MINAR1: variants seen among roughly 807,000 people sequenced by gnomAD.
MINAR1 encodes membrane integral NOTCH2 associated receptor 1, also known as major intrinsically disordered Notch2-binding receptor 1.
MINAR1 carries 40 observed loss-of-function variants against 65.1 expected under a neutral mutation model. That is an observed-to-expected ratio of 0.61 (90% CI 0.48 to 0.80). MINAR1 has a LOEUF of 0.80. MINAR1 is among the 30% of genes least tolerant of loss of function. MINAR1 has a pLI of 0.00. For synonymous variants in MINAR1, 482 were observed against 449.1 expected (o/e 1.07, Z -0.93); for missense variants, 1,128 against 1,148.0 (o/e 0.98, Z 0.25).
intron 1 of MINAR1, among the ~76,000 whole-genome samples, chr15:79,449,528 C>A (rs550262328): frequency 6.6e-6 from 1 of 152,242 alleles, no homozygotes; most frequent in South Asian, 2.1e-4. Flanking sequence ...GGCAAAAGGG[C>A]AAGCTAGCAG....
At chr15:79,425,514 T>C in the MINAR1 span, 1 of 152,250 alleles carries the variant, frequency 6.6e-6, no homozygotes, top group African/African-American at 2.4e-5. Flanking sequence ...TCTCAAACCA[T>C]GGACAAAGCT....
rs578084400 is a variant in MINAR1, at chr15:79,458,733, T to C, written c.2298+288T>C. On this transcript the variant is annotated intron_variant, in intron 2 of 3. Transcript: ENST00000305428. ...CAGGTGGTGTGAGAACAGATTTTCA[T>C]AGAATGGGGAACGTATCAGAGCAGG... Among the ~76,000 whole-genome samples, 14 of 152,320 alleles carry C rather than the reference T, an allele frequency of 9.2e-5. No homozygotes were observed. In the South Asian group the frequency reaches 2.9e-3, roughly 32 times the overall value.
intron 1 of MINAR1, among the ~76,000 whole-genome samples, chr15:79,436,933 T>A (rs114979075): frequency 0.011 from 1,645 of 152,304 alleles, 27 homozygotes; most frequent in African/African-American, 0.037. Context: ...CCTGCACCCT[T>A]TCTTCCTGCC....
chr15:79,411,789 G>A, the MINAR1 span: 1 of 359,650 alleles, frequency 2.8e-6, no homozygotes, highest in Non-Finnish European at 5.2e-6. Flanking sequence ...CCTGGGTGGA[G>A]CCCAGAGGGT....
At chr15:79,443,393 T>G (rs1286221729) in intron 1 of MINAR1, among the ~76,000 whole-genome samples, 1 of 152,180 alleles carries the variant, frequency 6.6e-6, no homozygotes, top group Non-Finnish European at 1.5e-5. Context: ...CCATTCAAGG[T>G]CCTCCTGGTT....
intron 1 of MINAR1, among the ~76,000 whole-genome samples, chr15:79,452,284 G>T (rs1017305017): frequency 6.6e-6 from 1 of 152,112 alleles, no homozygotes; most frequent in Non-Finnish European, 1.5e-5. Flanking sequence ...GTCTGTGTGA[G>T]TGTGAAGCTG....
chr15:79,450,775 TAG>T (rs71150911), intron 1 of MINAR1, among the ~76,000 whole-genome samples: 41,478 of 152,002 alleles, frequency 0.27, 6,350 homozygotes, highest in East Asian at 0.55. Context: ...TTGTACAGAA[TAG>T]AGTCATTTTT....
upstream of MINAR1, among the ~76,000 whole-genome samples, chr15:79,431,056 G>A (rs929217518): frequency 5.9e-5 from 9 of 152,112 alleles, no homozygotes; most frequent in African/African-American, 2.2e-4. Context: ...CCTTTGCTCC[G>A]ATCACAGGTA....
chr15:79,468,666 ATTCC>A lies in MINAR1; in HGVS notation c.*283_*286del. On this transcript the variant is annotated 3_prime_UTR_variant, in exon 4 of 4. Coordinates refer to ENST00000305428, the MANE Select transcript of MINAR1 (RefSeq NM_015206.3). ...GACTATCAATAAATACAAATTGAAT[ATTCC>A]AAGCCAAAAAAGGAAGATTAATTGG... The A allele has an allele frequency of 2.6e-6, 1 of 390,370 alleles. No individual in the cohort carries two copies. 24.2% of individuals were successfully genotyped at this position (390,370 alleles called of 1,614,324 possible). A position where few individuals can be genotyped will look rare whatever the true frequency, so the allele number is the denominator to read the frequency against.
Position 79,456,739 on chromosome 15 carries a change from C to T in MINAR1, c.592C>T (p.Leu198=). 6.2e-7 allele frequency: 1 copy of T among 1,614,198 alleles called. No homozygotes were observed. Among genetic ancestry groups the T allele is most frequent in the Non-Finnish European group, 8.5e-7 (1 of 1,180,032 alleles). The change falls in exon 2 of 4, where the codon CTG becomes TTG. Residue 198 remains leucine, a synonymous_variant. Transcript: ENST00000305428. ...CGCTTCCCTGGACAGGTTGCAGGCCCTGGCTCCGTACTCTGTGACCAGCCC... is the reference window on the plus strand; with the variant it reads ...CGCTTCCCTGGACAGGTTGCAGGCCTTGGCTCCGTACTCTGTGACCAGCCC... ...RAASLDRLQA[L]APYSVTSPQP...
At chr15:79,419,121 C>T in the MINAR1 span, 1 of 152,068 alleles carries the variant, frequency 6.6e-6, no homozygotes, top group Non-Finnish European at 1.5e-5. Flanking sequence ...CCATAGGCTA[C>T]CCTTCTTAGC....
chr15:79,433,583 A>G (rs1231366648), intron 1 of MINAR1, among the ~76,000 whole-genome samples: 9 of 152,184 alleles, frequency 5.9e-5, no homozygotes, highest in Non-Finnish European at 1.3e-4. Context: ...TGGAGGCCTC[A>G]TTGCTGGGCT....
chr15:79,411,433 A>C, the MINAR1 span: 1 of 702,602 alleles, frequency 1.4e-6, no homozygotes, highest in Non-Finnish European at 2.6e-6. Context: ...GGAGGTGGAC[A>C]AGATGGTCGA....
chr15:79,440,225 T>C (rs1894833085), intron 1 of MINAR1, among the ~76,000 whole-genome samples: 1 of 152,148 alleles, frequency 6.6e-6, no homozygotes, highest in Non-Finnish European at 1.5e-5. Context: ...ATCCCCCATA[T>C]TTTACAAGGC....
At chr15:79,440,661 C>T (rs1187304848) in intron 1 of MINAR1, among the ~76,000 whole-genome samples, 1 of 152,120 alleles carries the variant, frequency 6.6e-6, no homozygotes, top group Non-Finnish European at 1.5e-5. Flanking sequence ...TTCCCCTTCC[C>T]CCGCTCCTCC....
In MINAR1 at chr15:79,469,328, T is replaced by TTCTA. The variant is rs1368175600; in HGVS notation, c.*948_*951dup. The TTCTA allele has an allele frequency of 1.3e-5, 2 of 152,724 alleles. No individual in the cohort carries two copies. Among genetic ancestry groups the TTCTA allele is most frequent in the Admixed American group, 1.3e-4 (2 of 15,298 alleles). The allele number at this position is 152,724 out of a possible 1,614,324, so 9.5% of individuals were successfully genotyped here. ...TAGAGACAATGGCTAAACGTTGACA[T>TTCTA]TCTATCTGTAAACCATGGTTTTCAC... On this transcript the variant is annotated 3_prime_UTR_variant, in exon 4 of 4. Transcript: ENST00000305428.
At chr15:79,467,749 T>C (rs1022504391) in intron 3 of MINAR1, among the ~76,000 whole-genome samples, 3 of 152,242 alleles carry the variant, frequency 2.0e-5, no homozygotes, top group Non-Finnish European at 4.4e-5. Flanking sequence ...AAAGAAGAAC[T>C]GACTCAGAGT....
At position 79,451,766 on chromosome 15, in the gene MINAR1, G is replaced by A. The variant is rs1595941685; in HGVS notation, c.-50-4332G>A. Among the ~76,000 whole-genome samples the A allele has an allele frequency of 2.0e-5, 3 of 152,134 alleles. No homozygotes were observed. In the East Asian group the frequency reaches 5.8e-4, roughly 29 times the overall value. ...CTTTGCGGAGCTTTTCCACATGGGG[G>A]TGGGGGTGACAGGGTGCTGCAGTGG... On this transcript the variant is annotated intron_variant, in intron 1 of 3. Coordinates refer to ENST00000305428, the MANE Select transcript of MINAR1 (RefSeq NM_015206.3).
rs367609196 is a variant in MINAR1, at chr15:79,456,138, G to A, written c.-10G>A. ...TCAGTGTAGTCAGAGAGCTCTTCAA[G>A]TAATAAATCATGGAGACCAGTCAGG... On this transcript the variant is annotated 5_prime_UTR_variant, in exon 2 of 4. Transcript: ENST00000305428. The A allele has an allele frequency of 6.2e-7, 1 of 1,609,406 alleles. No individual in the cohort carries two copies. The highest frequency in any genetic ancestry group is 1.3e-5 in the African/African-American group (1 of 74,798).
Sources: allele counts gnomAD v4.1 joint callset (sites outside exome capture counted in the v4.1 genomes callset), GRCh38; gene constraint gnomAD v4.1.1; transcripts MANE v1.5; gene names NCBI Gene and HGNC (gene_info 2026-07-23, HGNC 2026-07-21).